DCC: variants seen among roughly 807,000 people sequenced by gnomAD.
DCC encodes DCC netrin 1 receptor.
DCC carries 58 observed loss-of-function variants against 172.5 expected under a neutral mutation model. That is an observed-to-expected ratio of 0.34 (90% confidence interval 0.27 to 0.42). The LOEUF is 0.42. Ranked by LOEUF, DCC falls within the 10% of genes least tolerant of loss-of-function variation. The probability of loss-of-function intolerance (pLI) is 1.00; values close to 1 mark genes in which losing one functional copy is unlikely to be tolerated. For synonymous variants in DCC, 709 were observed against 644.5 expected, an observed-to-expected ratio of 1.10 and a Z score of -1.52; for missense variants, 1,740 against 1,791.0, an observed-to-expected ratio of 0.97 and a Z score of 0.51.
chr18:53,397,519 G>C, intron 18 of DCC, 73 bp downstream of exon 18: 1 of 1,510,098 alleles, frequency 6.6e-7, no homozygotes, highest in South Asian at 1.1e-5. Flanking sequence ...TAGAACATGT[G>C]TTCCCTATGG....
intron 11 of DCC, among the ~76,000 whole-genome samples, chr18:53,214,856 A>G (rs920796552): frequency 1.1e-4 from 17 of 152,210 alleles, no homozygotes; most frequent in Non-Finnish European, 1.0e-4. Flanking sequence ...GTATTAAAAG[A>G]GAGCTGTATA....
chr18:52,667,751 G>A (rs2035481363), intron 1 of DCC, among the ~76,000 whole-genome samples: 1 of 152,176 alleles, frequency 6.6e-6, no homozygotes, highest in African/African-American at 2.4e-5. Flanking sequence ...AGCAGATTGT[G>A]CCTTCCCTAA....
At chr18:52,594,672 A>G (rs2033870569) in intron 1 of DCC, among the ~76,000 whole-genome samples, 1 of 152,192 alleles carries the variant, frequency 6.6e-6, no homozygotes, top group African/African-American at 2.4e-5. Flanking sequence ...TGGTGCTGGC[A>G]TCTGGTTCTG....
At chr18:53,519,784 C>A (rs1041786420) in intron 27 of DCC, among the ~76,000 whole-genome samples, 2 of 152,016 alleles carry the variant, frequency 1.3e-5, no homozygotes, top group Non-Finnish European at 2.9e-5. Flanking sequence ...TGAAGCTTTC[C>A]CTGTAGCTAC....
At chr18:52,923,619 A>G in intron 3 of DCC, 88 bp from the exon 4 acceptor site, 3 of 1,075,658 alleles carry the variant, frequency 2.8e-6, no homozygotes, top group Admixed American at 1.8e-5. Context: ...TTTTCTTTCC[A>G]TCTTTTGTTA....
intron 2 of DCC, among the ~76,000 whole-genome samples, chr18:52,894,659 T>C (rs763669127): frequency 4.0e-5 from 6 of 151,864 alleles, no homozygotes; most frequent in African/African-American, 7.3e-5. Context: ...TAGTTCCAGT[T>C]AGAATCTGAA....
chr18:52,908,960 T>G (rs2039929429), intron 3 of DCC, among the ~76,000 whole-genome samples: 1 of 152,162 alleles, frequency 6.6e-6, no homozygotes, highest in African/African-American at 2.4e-5. Context: ...TAAGCCTGTC[T>G]CGTATGCTAG....
chr18:52,670,488 A>G (rs2035531925), intron 1 of DCC, among the ~76,000 whole-genome samples: 2 of 152,198 alleles, frequency 1.3e-5, no homozygotes, highest in Admixed American at 6.5e-5. Context: ...GTCCATTGTT[A>G]GGTCTCTTTC....
intron 5 of DCC, among the ~76,000 whole-genome samples, chr18:53,035,776 A>T (rs1039127028): frequency 3.3e-5 from 5 of 152,020 alleles, no homozygotes; most frequent in South Asian, 4.1e-4. Flanking sequence ...ATATTAATCT[A>T]TAATTAGTTT....
intron 1 of DCC, among the ~76,000 whole-genome samples, chr18:52,562,477 GT>G (rs2033061755): frequency 6.6e-6 from 1 of 152,132 alleles, no homozygotes; most frequent in African/African-American, 2.4e-5. Flanking sequence ...GCCACATAGA[GT>G]TTGTTTAATA....
chr18:52,898,757 T>C (rs1357864971), intron 2 of DCC, among the ~76,000 whole-genome samples: 1 of 152,208 alleles, frequency 6.6e-6, no homozygotes, highest in Non-Finnish European at 1.5e-5. Flanking sequence ...TTTGCTTCTT[T>C]TGCTATTAAC....
At chr18:52,450,123 TA>T (rs1988255606) in intron 1 of DCC, among the ~76,000 whole-genome samples, 1 of 152,232 alleles carries the variant, frequency 6.6e-6, no homozygotes, top group Non-Finnish European at 1.5e-5. Context: ...GACTTAAATG[TA>T]ATGAAACTGC....
chr18:52,949,708 C>T (rs2040604791), intron 5 of DCC, among the ~76,000 whole-genome samples: 2 of 152,194 alleles, frequency 1.3e-5, no homozygotes, highest in Non-Finnish European at 2.9e-5. Context: ...CTCTCTTGAA[C>T]CTGCAGGACA....
At chr18:53,093,809 C>T (rs2043046812) in intron 7 of DCC, among the ~76,000 whole-genome samples, 1 of 152,152 alleles carries the variant, frequency 6.6e-6, no homozygotes, top group Non-Finnish European at 1.5e-5. Context: ...AGAGCTTCAT[C>T]TATTAGGCAT....
At chr18:52,774,827 C>T (rs775948461) in intron 2 of DCC, among the ~76,000 whole-genome samples, 4 of 152,150 alleles carry the variant, frequency 2.6e-5, no homozygotes, top group Non-Finnish European at 5.9e-5. Flanking sequence ...TATGACACCT[C>T]TAGGAATAGT....
At chr18:53,400,805 G>A (rs1394080719) in intron 18 of DCC, among the ~76,000 whole-genome samples, 3 of 152,058 alleles carry the variant, frequency 2.0e-5, no homozygotes, top group Non-Finnish European at 4.4e-5. Context: ...AGCTAAAGTT[G>A]AAGAATCACT....
At chr18:53,196,607 T>C (rs2055446627) in intron 9 of DCC, among the ~76,000 whole-genome samples, 1 of 152,024 alleles carries the variant, frequency 6.6e-6, no homozygotes, top group African/African-American at 2.4e-5. Flanking sequence ...TCAAAAATAT[T>C]CATTAATATC....
At chr18:53,431,833 T>A (rs1172186774) in intron 21 of DCC, among the ~76,000 whole-genome samples, 1 of 152,122 alleles carries the variant, frequency 6.6e-6, no homozygotes, top group Admixed American at 6.6e-5. Flanking sequence ...ATTATTCATA[T>A]AAAAAGGAAA....
intron 15 of DCC, among the ~76,000 whole-genome samples, chr18:53,340,236 C>G (rs774229636): frequency 6.6e-6 from 1 of 152,054 alleles, no homozygotes; most frequent in African/African-American, 2.4e-5. Flanking sequence ...TTCCAGTGGT[C>G]AATGGAAACT....
Sources: allele counts gnomAD v4.1 joint callset (sites outside exome capture counted in the v4.1 genomes callset), GRCh38; gene constraint gnomAD v4.1.1; transcripts MANE v1.5; gene names NCBI Gene and HGNC (gene_info 2026-07-23, HGNC 2026-07-21).